The following SLCO1B3 variants were observed in gnomAD, a reference collection of about 807,000 sequenced individuals.
The protein encoded by SLCO1B3 is liver-specific organic anion transporter 2.
A neutral mutation model predicts 71.8 loss-of-function variants in SLCO1B3; 72 were observed. The observed-to-expected ratio is 1.00, with a 90% CI of 0.83 to 1.22. The LOEUF (loss-of-function observed/expected upper bound fraction) is 1.22, where lower values mean the gene tolerates loss of function less well. SLCO1B3 is among the 50% of genes most tolerant of loss of function. The pLI is 0.00. For synonymous variants in SLCO1B3, 298 were observed against 278.4 expected (o/e 1.07, Z -0.70); for missense variants, 911 against 819.7 (o/e 1.11, Z -1.36).
chr12:20,850,915 T>C (rs11494708), intron 3 of SLCO1B3, among the ~76,000 whole-genome samples: 110,173 of 152,102 alleles, frequency 0.72, 42,488 homozygotes, highest in South Asian at 0.9. Context: ...AATTTACACT[T>C]CCACCATCAA....
intron 3 of SLCO1B3, among the ~76,000 whole-genome samples, chr12:20,832,503 A>G (rs915046279): frequency 6.6e-6 from 1 of 152,072 alleles, no homozygotes; most frequent in African/African-American, 2.4e-5. Context: ...ATTATTAAAA[A>G]AAAAATAGAG....
chr12:20,872,897 C>A (rs980240105), intron 8 of SLCO1B3, among the ~76,000 whole-genome samples: 1 of 152,176 alleles, frequency 6.6e-6, no homozygotes, highest in Non-Finnish European at 1.5e-5. Context: ...ATCAGCCCAG[C>A]CATATCTTCT....
chr12:20,886,444 C>T (rs950755897), intron 13 of SLCO1B3, among the ~76,000 whole-genome samples: 6 of 151,958 alleles, frequency 3.9e-5, no homozygotes, highest in African/African-American at 7.2e-5. Flanking sequence ...CTAACTTTAG[C>T]GATTAATAAT....
chr12:20,894,312 C>T (rs923149387), intron 13 of SLCO1B3, among the ~76,000 whole-genome samples: 9 of 152,118 alleles, frequency 5.9e-5, no homozygotes, highest in African/African-American at 2.2e-4. Context: ...AGCGTGTGCA[C>T]ATCAGTGAGG....
intron 3 of SLCO1B3, among the ~76,000 whole-genome samples, chr12:20,832,730 T>C (rs1469177736): frequency 6.6e-6 from 1 of 152,186 alleles, no homozygotes; most frequent in Non-Finnish European, 1.5e-5. Flanking sequence ...TAAAACGTTC[T>C]TCTTCCAGAT....
At position 20,901,375 on chromosome 12, in the gene SLCO1B3, T is replaced by C; in HGVS notation, c.1773T>C (p.Phe591=). ...TLGGILAPIY[F]GALIDKTCMK... Reference sequence around the variant, plus strand: ...GAGGAATTCTAGCTCCAATATATTTTGGGGCTCTGATTGATAAAACATGTA... The same window carrying C: ...GAGGAATTCTAGCTCCAATATATTTCGGGGCTCTGATTGATAAAACATGTA... Residue 591 remains phenylalanine, a synonymous_variant, in exon 15 of 16, where the codon TTT becomes TTC. Transcript: ENST00000381545. The C allele has an allele frequency of 6.3e-7, 1 of 1,585,914 alleles. No individual in the cohort carries two copies. Among genetic ancestry groups the C allele is most frequent in the Non-Finnish European group, 8.6e-7 (1 of 1,169,102 alleles).
At chr12:20,893,267 T>C (rs11045586) in intron 13 of SLCO1B3, among the ~76,000 whole-genome samples, 81,399 of 151,910 alleles carry the variant, frequency 0.54, 24,324 homozygotes, top group South Asian at 0.77. Flanking sequence ...CCAGAGAACA[T>C]TGGGAGCATA....
chr12:20,859,551 T>C (rs1865212425), intron 5 of SLCO1B3, among the ~76,000 whole-genome samples: 1 of 149,666 alleles, frequency 6.7e-6, no homozygotes, highest in African/African-American at 2.4e-5. Context: ...CTAATACTCA[T>C]CATATTCCAC....
intron 13 of SLCO1B3, among the ~76,000 whole-genome samples, chr12:20,896,555 A>G (rs1225031626): frequency 6.6e-6 from 1 of 152,184 alleles, no homozygotes; most frequent in East Asian, 1.9e-4. Flanking sequence ...AGACCACCTC[A>G]ACCTGGACCT....
chr12:20,855,539 G>T (rs1013785522), intron 4 of SLCO1B3, among the ~76,000 whole-genome samples: 5 of 152,068 alleles, frequency 3.3e-5, no homozygotes, highest in African/African-American at 1.2e-4. Context: ...AGGTGCCCCA[G>T]TGTGAAGAAA....
intron 13 of SLCO1B3, among the ~76,000 whole-genome samples, chr12:20,894,340 C>T (rs1865959340): frequency 6.6e-6 from 1 of 152,016 alleles, no homozygotes; most frequent in Admixed American, 6.6e-5. Flanking sequence ...TATGAGCAGG[C>T]AAGAAGTAGT....
At chr12:20,880,572 T>C (rs1236136068) in intron 11 of SLCO1B3, among the ~76,000 whole-genome samples, 2 of 152,010 alleles carry the variant, frequency 1.3e-5, no homozygotes, top group African/African-American at 4.8e-5. Flanking sequence ...CTAACCTCTT[T>C]TATTTCTTTT....
intron 8 of SLCO1B3, among the ~76,000 whole-genome samples, chr12:20,868,378 A>G (rs1865412564): frequency 6.6e-6 from 1 of 152,072 alleles, no homozygotes. Flanking sequence ...TCAACTGTAC[A>G]ATACAGTATT....
At position 20,815,821 on chromosome 12, in the gene SLCO1B3, A is replaced by G. The variant is rs563634489; in HGVS notation, c.83A>G (p.Lys28Arg). Residue 28 changes from lysine to arginine, a missense_variant and splice_region_variant, in exon 3 of 16, where the codon AAG (lysine) becomes AGG (arginine). By Grantham distance (26) the Lys-to-Arg change is conservative (BLOSUM62 2). Coordinates refer to ENST00000381545, the MANE Select transcript of SLCO1B3 (RefSeq NM_019844.4). Reference sequence around the variant, plus strand: ...AAAACAAGACGCTGCAATGGATTCAAGGTAGAATGGGTTTTATATTTTCAA... The same window carrying G: ...AAAACAAGACGCTGCAATGGATTCAGGGTAGAATGGGTTTTATATTTTCAA... The part of the protein sequence containing the change: ...KKKTRRCNGF[K>R]MFLAALSFSY... 3 of 1,572,056 alleles carry G rather than the reference A, an allele frequency of 1.9e-6. No homozygotes were observed. Among genetic ancestry groups the G allele is most frequent in the East Asian group, 4.5e-5 (2 of 44,112 alleles).
chr12:20,868,054 G>A (rs74588265), intron 8 of SLCO1B3, among the ~76,000 whole-genome samples: 1 of 152,048 alleles, frequency 6.6e-6, no homozygotes, highest in African/African-American at 2.4e-5. Flanking sequence ...ATTTCCTTGT[G>A]ATTTTCTAAA....
chr12:20,859,422 A>G (rs1253406127), intron 5 of SLCO1B3, among the ~76,000 whole-genome samples: 2 of 152,122 alleles, frequency 1.3e-5, no homozygotes, highest in Non-Finnish European at 2.9e-5. Flanking sequence ...AGTTTGTTAG[A>G]GACACCAATT....
intron 3 of SLCO1B3, among the ~76,000 whole-genome samples, chr12:20,852,978 G>C (rs1865054400): frequency 6.6e-6 from 1 of 152,024 alleles, no homozygotes; most frequent in African/African-American, 2.4e-5. Flanking sequence ...AATGTTAGGA[G>C]TGGGCATCTT....
chr12:20,883,299 T>C (rs1420057055), intron 12 of SLCO1B3, 119 bp from the exon 13 acceptor site: 10 of 565,562 alleles, frequency 1.8e-5, no homozygotes, highest in Non-Finnish European at 2.5e-5. Flanking sequence ...TATATTTTTA[T>C]AACATTTTTT....
intron 3 of SLCO1B3, among the ~76,000 whole-genome samples, chr12:20,817,871 G>C (rs1338384681): frequency 6.6e-6 from 1 of 152,074 alleles, no homozygotes; most frequent in East Asian, 1.9e-4. Flanking sequence ...ATTACAGCTT[G>C]AGCCACCGTG....
Sources: allele counts gnomAD v4.1 joint callset (sites outside exome capture counted in the v4.1 genomes callset), GRCh38; gene constraint gnomAD v4.1.1; transcripts MANE v1.5; gene names NCBI Gene and HGNC (gene_info 2026-07-23, HGNC 2026-07-21).